IPO11: variants seen among roughly 807,000 people sequenced by gnomAD.
The protein encoded by IPO11 is importin-11.
Under a neutral mutation model 143.2 loss-of-function variants are expected in IPO11, and 66 were observed. That is an observed-to-expected ratio of 0.46 (90% CI 0.38 to 0.57). The LOEUF is 0.57. Ranked by LOEUF, IPO11 falls within the 20% of genes least tolerant of loss-of-function variation. The pLI is 0.00. For missense variants in IPO11, 1,026 were observed against 1,141.0 expected (o/e 0.90, Z 1.45); for synonymous variants, 385 against 377.8 (o/e 1.02, Z -0.22).
At chr5:62,525,889 A>C (rs1742355367) in intron 20 of IPO11, among the ~76,000 whole-genome samples, 1 of 152,246 alleles carries the variant, frequency 6.6e-6, no homozygotes, top group Admixed American at 6.5e-5. Context: ...AGTCTATTAA[A>C]ATGAACAGAT....
At chr5:62,491,953 T>C (rs1364611007) in intron 15 of IPO11, among the ~76,000 whole-genome samples, 1 of 152,146 alleles carries the variant, frequency 6.6e-6, no homozygotes. Flanking sequence ...TTGTTTCTTT[T>C]CTCTTATAAT....
intron 27 of IPO11, among the ~76,000 whole-genome samples, chr5:62,572,715 G>A (rs1744177481): frequency 6.6e-6 from 1 of 151,856 alleles, no homozygotes. Flanking sequence ...CCAAGTAGCT[G>A]GGACTACAGG....
intron 22 of IPO11, among the ~76,000 whole-genome samples, chr5:62,535,262 A>G (rs1742697000): frequency 6.6e-6 from 1 of 151,944 alleles, no homozygotes; most frequent in Non-Finnish European, 1.5e-5. Flanking sequence ...ATAAAATTAT[A>G]CTTGGCAATG....
Position 62,623,707 on chromosome 5 carries a change from C to A in IPO11, c.2764-3447C>A, listed in dbSNP as rs186979011. ...TGTTGCCCAGGCTAGAGTGCAGTGG[C>A]ACAATCTCGGCTCACTGCAGTCTCC... On this transcript the variant is annotated intron_variant, in intron 29 of 29. Transcript: ENST00000325324. 5.4e-5 allele frequency among the ~76,000 whole-genome samples: 8 copies of A among 148,982 alleles called. No homozygotes were observed. The Admixed American group carries it at 5.4e-4, about 10-fold the overall frequency.
At chr5:62,490,087 A>G (rs761591121) in intron 14 of IPO11, 28 bp from the exon 15 acceptor site, 1 of 1,423,030 alleles carries the variant, frequency 7.0e-7, no homozygotes, top group Non-Finnish European at 9.5e-7. Context: ...TGAAACCTTT[A>G]ATTTTTTTTC....
At chr5:62,565,524 A>AT (rs1174012041) in intron 27 of IPO11, among the ~76,000 whole-genome samples, 4 of 152,248 alleles carry the variant, frequency 2.6e-5, no homozygotes, top group African/African-American at 9.6e-5. Flanking sequence ...GACAACTTTA[A>AT]TTTCGATTAT....
intron 11 of IPO11, among the ~76,000 whole-genome samples, chr5:62,485,173 A>G (rs1249716266): frequency 1.3e-5 from 2 of 152,172 alleles, no homozygotes; most frequent in African/African-American, 2.4e-5. Context: ...TTTTTTCCAT[A>G]AAGAATTTTT....
intron 20 of IPO11, among the ~76,000 whole-genome samples, chr5:62,516,219 GA>G (rs1370513947): frequency 6.6e-6 from 1 of 151,964 alleles, no homozygotes; most frequent in African/African-American, 2.4e-5. Context: ...AATTAGTTTA[GA>G]AAAAACCAGA....
chr5:62,451,558 C>T (rs898661450), intron 4 of IPO11, among the ~76,000 whole-genome samples, 172 bp from the exon 5 acceptor site: 1 of 152,164 alleles, frequency 6.6e-6, no homozygotes, highest in Non-Finnish European at 1.5e-5. Flanking sequence ...CAGAAAGGGT[C>T]CTAGCTCTAC....
chr5:62,467,361 G>T, intron 6 of IPO11, 98 bp downstream of exon 6: 1 of 1,274,780 alleles, frequency 7.8e-7, no homozygotes, highest in South Asian at 1.5e-5. Context: ...CAGTTTCACT[G>T]GAAAAATAAG....
rs1744978379 is a variant in IPO11 at position 62,452,679 on chromosome 5, G to GTA, written c.516+747_516+748insAT. Among the ~76,000 whole-genome samples the GTA allele has an allele frequency of 2.7e-5, 4 of 148,566 alleles. No individual in the cohort carries two copies. In the South Asian group the frequency reaches 8.4e-4, roughly 31 times the overall value. Reference sequence around the variant, plus strand: ...TTTGGGTTCGTGTGTGTGTGTGTGTGTGTGTGTATGTTTTGAGACAGGGTT... The same window carrying GTA: ...TTTGGGTTCGTGTGTGTGTGTGTGTGTATGTGTGTATGTTTTGAGACAGGGTT... On this transcript the variant is annotated intron_variant, in intron 5 of 29. Coordinates refer to ENST00000325324, the MANE Select transcript of IPO11 (RefSeq NM_016338.5).
intron 26 of IPO11, among the ~76,000 whole-genome samples, chr5:62,558,745 A>G (rs1743663085): frequency 6.6e-6 from 1 of 152,208 alleles, no homozygotes; most frequent in South Asian, 2.1e-4. Context: ...TTTTAATAGA[A>G]TATTTTAACG....
chr5:62,522,289 T>G (rs919252334), intron 20 of IPO11, among the ~76,000 whole-genome samples: 32 of 114,354 alleles, frequency 2.8e-4, no homozygotes, highest in Admixed American at 1.1e-3. Context: ...TTGTGGTGGG[T>G]TTTTTTTTTT....
chr5:62,454,142 AAAT>A (rs1043413152), intron 5 of IPO11, among the ~76,000 whole-genome samples: 3 of 147,006 alleles, frequency 2.0e-5, no homozygotes, highest in African/African-American at 8.2e-5. Context: ...CTCAAATAAA[AAAT>A]AAATAAATAA....
At chr5:62,483,677 G>T (rs117962048) in intron 10 of IPO11, among the ~76,000 whole-genome samples, 1 of 152,068 alleles carries the variant, frequency 6.6e-6, no homozygotes, top group African/African-American at 2.4e-5. Flanking sequence ...ATTCATATGC[G>T]TGTGTGCCAA....
chr5:62,593,498 A>G (rs1745108576), intron 28 of IPO11, among the ~76,000 whole-genome samples: 1 of 152,202 alleles, frequency 6.6e-6, no homozygotes, highest in South Asian at 2.1e-4. Flanking sequence ...AAAAATAACA[A>G]CAACAACAAA....
chr5:62,451,648 A>G (rs1223750730), intron 4 of IPO11, 82 bp from the exon 5 acceptor site: 4 of 1,034,374 alleles, frequency 3.9e-6, no homozygotes, highest in East Asian at 2.5e-5. Context: ...TGTCAAGTGT[A>G]TAATTAACAA....
At position 62,524,311 on chromosome 5, in the gene IPO11, T is replaced by C. The variant is rs933574747; in HGVS notation, c.1897-1831T>C. ...TAATTACATAAGATGTAAGGAGAAA[T>C]TGGGTGAAGGATACGTGGGATTTCT... On this transcript the variant is annotated intron_variant, in intron 20 of 29. Coordinates refer to ENST00000325324, the MANE Select transcript of IPO11 (RefSeq NM_016338.5). 2.6e-5 allele frequency among the ~76,000 whole-genome samples: 4 copies of C among 152,046 alleles called. 1 individual carries two copies. Among genetic ancestry groups the C allele is most frequent in the Admixed American group, 2.6e-4 (4 of 15,268 alleles).
At chr5:62,430,176 A>G (rs2112114397) in intron 1 of IPO11, among the ~76,000 whole-genome samples, 1 of 152,312 alleles carries the variant, frequency 6.6e-6, no homozygotes, top group Middle Eastern at 3.4e-3. Context: ...GGACATATTC[A>G]TTTCTCTTGA....
Sources: gnomAD v4.1 joint callset for allele counts (sites outside exome capture counted in the v4.1 genomes callset) on GRCh38, gnomAD v4.1.1 for gene constraint, MANE v1.5 for transcripts, NCBI Gene and HGNC (gene_info 2026-07-23, HGNC 2026-07-21) for gene names.